The following SUGCT variants were observed in gnomAD, a reference collection of about 807,000 sequenced individuals.
SUGCT encodes succinyl-CoA:glutarate CoA-transferase.
A neutral mutation model predicts 55.0 loss-of-function variants in SUGCT; 41 were observed. The observed-to-expected ratio is 0.74, with a 90% CI of 0.58 to 0.97. The LOEUF (loss-of-function observed/expected upper bound fraction) is 0.97, where lower values mean the gene tolerates loss of function less well. Ranked by LOEUF, SUGCT falls within the 50% of genes least tolerant of loss-of-function variation. The pLI, the probability that SUGCT is intolerant of heterozygous loss-of-function variation, is 0.00. For missense variants in SUGCT, 568 were observed against 547.8 expected (o/e 1.04, Z -0.37); for synonymous variants, 187 against 200.4 (o/e 0.93, Z 0.56).
intron 6 of SUGCT, among the ~76,000 whole-genome samples, chr7:40,214,697 T>C (rs1030201988): frequency 2.0e-5 from 3 of 151,968 alleles, no homozygotes; most frequent in Non-Finnish European, 1.5e-5. Context: ...GTGGGGGTCA[T>C]GAGGTCAGGA....
In SUGCT at chr7:40,221,989, T is replaced by C. The variant is rs936166427; in HGVS notation, c.485-15646T>C. 2.0e-5 allele frequency among the ~76,000 whole-genome samples: 3 copies of C among 152,220 alleles called. No homozygotes were observed. In the South Asian group the frequency reaches 6.2e-4, roughly 32 times the overall value. ...GATATTTAGAGACTAAGAGAATGTCTGGAGGGCTGTGGTTTGGGATGCCAC... is the reference window on the plus strand; with the variant it reads ...GATATTTAGAGACTAAGAGAATGTCCGGAGGGCTGTGGTTTGGGATGCCAC... On this transcript the variant is annotated intron_variant, in intron 6 of 13. Coordinates refer to ENST00000335693, the MANE Select transcript of SUGCT (RefSeq NM_001193313.2).
intron 1 of SUGCT, among the ~76,000 whole-genome samples, chr7:40,168,793 C>G (rs1276214229): frequency 6.6e-6 from 1 of 152,212 alleles, no homozygotes; most frequent in Non-Finnish European, 1.5e-5. Flanking sequence ...ATTCCCCATT[C>G]TATTTCTTCT....
chr7:40,912,647 T>A, the SUGCT span, among the ~76,000 whole-genome samples: 1 of 152,130 alleles, frequency 6.6e-6, no homozygotes, highest in African/African-American at 2.4e-5. Flanking sequence ...ATTTTTGTAG[T>A]CAAGATGTGT....
the SUGCT span, among the ~76,000 whole-genome samples, chr7:40,950,497 A>T: frequency 2.6e-5 from 4 of 152,102 alleles, no homozygotes; most frequent in Non-Finnish European, 5.9e-5. Context: ...CACTCTGTTG[A>T]ATAGGAGTGG....
intron 13 of SUGCT, among the ~76,000 whole-genome samples, chr7:40,786,068 T>C (rs1241897372): frequency 2.0e-5 from 3 of 152,132 alleles, no homozygotes; most frequent in African/African-American, 7.2e-5. Flanking sequence ...TACTGCACTT[T>C]AGCCTGGGCA....
At chr7:41,038,026 G>A in the SUGCT span, among the ~76,000 whole-genome samples, 1 of 152,176 alleles carries the variant, frequency 6.6e-6, no homozygotes, top group East Asian at 1.9e-4. Context: ...CACCCTGCAA[G>A]CGGGGGAAGA....
At chr7:40,300,199 C>T (rs1425929195) in intron 8 of SUGCT, among the ~76,000 whole-genome samples, 2 of 151,548 alleles carry the variant, frequency 1.3e-5, no homozygotes, top group Non-Finnish European at 2.9e-5. Context: ...ACGATGTTAC[C>T]CTGAAGTCAT....
At chr7:40,738,299 G>T (rs1787286584) in intron 12 of SUGCT, among the ~76,000 whole-genome samples, 1 of 150,904 alleles carries the variant, frequency 6.6e-6, no homozygotes, top group Non-Finnish European at 1.5e-5. Context: ...AACACAGCAA[G>T]ATGGGAATTT....
At chr7:40,452,317 C>G (rs989018209) in intron 10 of SUGCT, among the ~76,000 whole-genome samples, 1 of 152,124 alleles carries the variant, frequency 6.6e-6, no homozygotes, top group Non-Finnish European at 1.5e-5. Context: ...ATGGGTATTC[C>G]TATATGAAAT....
At chr7:40,519,559 C>T (rs1317199347) in intron 12 of SUGCT, among the ~76,000 whole-genome samples, 1 of 151,702 alleles carries the variant, frequency 6.6e-6, no homozygotes, top group Non-Finnish European at 1.5e-5. Context: ...GTTCAGTAGA[C>T]ACAGAAAATT....
At chr7:40,194,887 CAT>C (rs1255864407) in intron 5 of SUGCT, 51 bp from the exon 6 acceptor site, 11 of 1,567,280 alleles carry the variant, frequency 7.0e-6, no homozygotes, top group Admixed American at 1.8e-5. Context: ...AAAATTCTAT[CAT>C]GTGGGGATTT....
chr7:40,277,023 G>A (rs992300377), intron 8 of SUGCT, among the ~76,000 whole-genome samples: 1 of 152,038 alleles, frequency 6.6e-6, no homozygotes, highest in Non-Finnish European at 1.5e-5. Flanking sequence ...GTAACCCTTA[G>A]GTTTGCCAAG....
At chr7:40,443,451 A>G (rs192480108) in intron 9 of SUGCT, among the ~76,000 whole-genome samples, 155 of 152,212 alleles carry the variant, frequency 1.0e-3, no homozygotes, top group African/African-American at 3.6e-3. Flanking sequence ...TGTGATTTTG[A>G]TTTGCATTTC....
At chr7:40,655,311 TA>T (rs1800965121) in intron 12 of SUGCT, among the ~76,000 whole-genome samples, 1 of 152,022 alleles carries the variant, frequency 6.6e-6, no homozygotes, top group African/African-American at 2.4e-5. Context: ...AATTAAAAAT[TA>T]AAAAAATTTA....
the SUGCT span, among the ~76,000 whole-genome samples, chr7:40,953,846 G>A: frequency 6.6e-6 from 1 of 152,238 alleles, no homozygotes; most frequent in Non-Finnish European, 1.5e-5. Context: ...GCCACGTGAA[G>A]TATCAGTCTG....
At chr7:40,595,807 A>G (rs1451398801) in intron 12 of SUGCT, among the ~76,000 whole-genome samples, 4 of 152,182 alleles carry the variant, frequency 2.6e-5, no homozygotes, top group African/African-American at 9.6e-5. Context: ...GACTCTTTAC[A>G]CTGTGAGCTG....
the SUGCT span, among the ~76,000 whole-genome samples, chr7:40,875,726 T>C: frequency 6.6e-6 from 1 of 152,208 alleles, no homozygotes; most frequent in Non-Finnish European, 1.5e-5. Flanking sequence ...ATAAGTAATC[T>C]TCCCCTCCAT....
intron 12 of SUGCT, among the ~76,000 whole-genome samples, chr7:40,661,555 A>C (rs1285554089): frequency 6.6e-6 from 1 of 152,200 alleles, no homozygotes; most frequent in African/African-American, 2.4e-5. Flanking sequence ...CTTCAAATTC[A>C]CTAATTCACA....
At chr7:40,846,560 TG>T (rs1793566103) in intron 13 of SUGCT, among the ~76,000 whole-genome samples, 1 of 152,344 alleles carries the variant, frequency 6.6e-6, no homozygotes, top group African/African-American at 2.4e-5. Flanking sequence ...GACATTTCAG[TG>T]GGTTGGAACA....
Sources: allele counts gnomAD v4.1 joint callset (sites outside exome capture counted in the v4.1 genomes callset), GRCh38; gene constraint gnomAD v4.1.1; transcripts MANE v1.5; gene names NCBI Gene and HGNC (gene_info 2026-07-23, HGNC 2026-07-21).